The following SIPA1L1 variants were observed in gnomAD, a reference collection of about 807,000 sequenced individuals.
The protein encoded by SIPA1L1 is signal-induced proliferation-associated 1-like protein 1.
Under a neutral mutation model 162.7 loss-of-function variants are expected in SIPA1L1, and 26 were observed. The observed-to-expected ratio is 0.16, with a 90% CI of 0.12 to 0.22. The LOEUF is 0.22. SIPA1L1 is among the 10% of genes least tolerant of loss of function. SIPA1L1 has a pLI of 1.00. For synonymous variants in SIPA1L1, 829 were observed against 837.4 expected (o/e 0.99, Z 0.17); for missense variants, 1,874 against 2,241.0 (o/e 0.84, Z 3.31).
intron 4 of SIPA1L1, among the ~76,000 whole-genome samples, chr14:71,570,422 G>A (rs980108267): frequency 3.3e-5 from 5 of 151,872 alleles, no homozygotes; most frequent in African/African-American, 4.8e-5. Flanking sequence ...ACAGGTGAAC[G>A]CCACTACACC....
rs35037397 is a variant in SIPA1L1 at position 71,599,147 on chromosome 14, C to CTTT, written c.1498+9795_1498+9797dup. Among the ~76,000 whole-genome samples the CTTT allele has an allele frequency of 7.6e-3, 801 of 106,076 alleles. 35 individuals are homozygous for CTTT. Among genetic ancestry groups the CTTT allele is most frequent in the Non-Finnish European group, 0.011 (594 of 56,050 alleles). The allele number at this position is 106,076 out of a possible 152,430, so 69.6% of individuals were successfully genotyped here. A position where few individuals can be genotyped will look rare whatever the true frequency, so the allele number is the denominator to read the frequency against. On this transcript the variant is annotated intron_variant, in intron 5 of 23. Coordinates refer to ENST00000381232, the MANE Select transcript of SIPA1L1 (RefSeq NM_001386936.1). ...TTGCTGCAAATGACATGATTTCATTCTTTTTTTTTTTTTTTTTTTTGAGAT... is the reference window on the plus strand; with the variant it reads ...TTGCTGCAAATGACATGATTTCATTCTTTTTTTTTTTTTTTTTTTTTTTGAGAT...
chr14:71,365,055 T>C (rs1173794316), intron 2 of SIPA1L1, among the ~76,000 whole-genome samples: 1 of 147,132 alleles, frequency 6.8e-6, no homozygotes, highest in Admixed American at 6.8e-5. Flanking sequence ...CCAATTTTTT[T>C]TTTTCTTGTT....
intron 18 of SIPA1L1, 100 bp downstream of exon 18, chr14:71,723,986 G>C (rs2083998569): frequency 2.8e-6 from 4 of 1,438,000 alleles, no homozygotes. Context: ...GGCCGGGCTA[G>C]GGGGTTGGCA....
At chr14:71,665,634 CA>C in intron 10 of SIPA1L1, among the ~76,000 whole-genome samples, 1 of 152,110 alleles carries the variant, frequency 6.6e-6, no homozygotes. Context: ...CTATTCACAT[CA>C]AAGATATGAA....
At chr14:71,353,785 A>G (rs1469889455) in intron 2 of SIPA1L1, among the ~76,000 whole-genome samples, 2 of 152,058 alleles carry the variant, frequency 1.3e-5, no homozygotes, top group Non-Finnish European at 2.9e-5. Context: ...GGCACTAGGT[A>G]TTATTTTAGT....
intron 2 of SIPA1L1, among the ~76,000 whole-genome samples, chr14:71,412,826 T>C (rs1020681949): frequency 2.0e-5 from 3 of 152,240 alleles, no homozygotes; most frequent in African/African-American, 4.8e-5. Context: ...GTCTGACTTA[T>C]TTAATACATT....
chr14:71,417,167 T>C (rs1390275479), intron 2 of SIPA1L1, among the ~76,000 whole-genome samples: 1 of 152,068 alleles, frequency 6.6e-6, no homozygotes, highest in African/African-American at 2.4e-5. Context: ...ATATGTATTA[T>C]ATACTGTGTT....
chr14:71,573,741 A>G (rs1180298048), intron 4 of SIPA1L1: 1 of 456,716 alleles, frequency 2.2e-6, no homozygotes, highest in Non-Finnish European at 4.4e-6. Flanking sequence ...ATGAAACAAT[A>G]TCCATTATCT....
chr14:71,642,410 C>T (rs962392055), intron 7 of SIPA1L1, among the ~76,000 whole-genome samples: 2 of 152,178 alleles, frequency 1.3e-5, no homozygotes, highest in Non-Finnish European at 2.9e-5. Context: ...ATAGTTTCAA[C>T]TCCTACAAAC....
chr14:71,572,365 C>T (rs2032239817), intron 4 of SIPA1L1, among the ~76,000 whole-genome samples: 1 of 152,150 alleles, frequency 6.6e-6, no homozygotes, highest in South Asian at 2.1e-4. Context: ...TCATTTTATG[C>T]CCAGCCAACC....
chr14:71,677,158 T>C (rs1360028673), intron 12 of SIPA1L1, among the ~76,000 whole-genome samples: 3 of 152,226 alleles, frequency 2.0e-5, no homozygotes, highest in African/African-American at 7.2e-5. Flanking sequence ...TTTTTAATGA[T>C]CGCCATTCTA....
intron 2 of SIPA1L1, among the ~76,000 whole-genome samples, chr14:71,412,295 G>A (rs577789645): frequency 6.6e-6 from 1 of 152,316 alleles, no homozygotes; most frequent in East Asian, 1.9e-4. Context: ...AAAACATTAT[G>A]AGACTTTATT....
At chr14:71,482,143 T>C (rs989391811) in intron 2 of SIPA1L1, among the ~76,000 whole-genome samples, 1 of 152,148 alleles carries the variant, frequency 6.6e-6, no homozygotes, top group Non-Finnish European at 1.5e-5. Context: ...GGTTATGCCG[T>C]GTCATCCTCA....
At chr14:71,613,200 T>C (rs2038422775) in intron 5 of SIPA1L1, among the ~76,000 whole-genome samples, 1 of 152,176 alleles carries the variant, frequency 6.6e-6, no homozygotes, top group Admixed American at 6.5e-5. Flanking sequence ...TTTTAGAAAC[T>C]TATGGGAACA....
At chr14:71,364,488 A>G (rs990067517) in intron 2 of SIPA1L1, among the ~76,000 whole-genome samples, 4 of 152,186 alleles carry the variant, frequency 2.6e-5, no homozygotes, top group Non-Finnish European at 5.9e-5. Context: ...CATTTAACAT[A>G]AGACATTTGA....
intron 4 of SIPA1L1, among the ~76,000 whole-genome samples, chr14:71,555,023 T>C (rs116963184): frequency 0.011 from 1,674 of 152,326 alleles, 15 homozygotes; most frequent in East Asian, 0.022. Context: ...TTATTTTTCT[T>C]AAAGCATACT....
intron 4 of SIPA1L1, among the ~76,000 whole-genome samples, chr14:71,569,387 A>C (rs879614594): frequency 2.6e-5 from 4 of 152,192 alleles, no homozygotes; most frequent in African/African-American, 7.2e-5. Context: ...TTTTAAGTAG[A>C]TACTTGGGGT....
chr14:71,521,579 T>C (rs2052357875), intron 3 of SIPA1L1, among the ~76,000 whole-genome samples: 1 of 152,160 alleles, frequency 6.6e-6, no homozygotes, highest in African/African-American at 2.4e-5. Context: ...GCTTCTGTGG[T>C]TTTCTCAAAT....
intron 5 of SIPA1L1, among the ~76,000 whole-genome samples, chr14:71,593,064 T>A (rs1394375748): frequency 6.6e-6 from 1 of 152,218 alleles, no homozygotes; most frequent in Non-Finnish European, 1.5e-5. Flanking sequence ...AAGGTGGATC[T>A]GTACTGGTGA....
Sources: gnomAD v4.1 joint callset for allele counts (sites outside exome capture counted in the v4.1 genomes callset) on GRCh38, gnomAD v4.1.1 for gene constraint, MANE v1.5 for transcripts, NCBI Gene and HGNC (gene_info 2026-07-23, HGNC 2026-07-21) for gene names.